The following SYN3 variants were observed in gnomAD, a reference collection of about 807,000 sequenced individuals.
SYN3 encodes the protein synapsin-3.
Under a neutral mutation model 65.8 loss-of-function variants are expected in SYN3, and 35 were observed. The ratio of observed to expected loss-of-function variants is 0.53; its 90% CI spans 0.41 to 0.70. SYN3 has a LOEUF of 0.70. SYN3 is among the 30% of genes least tolerant of loss of function. The probability of loss-of-function intolerance (pLI) is 0.00; values close to 1 mark genes in which losing one functional copy is unlikely to be tolerated. For synonymous variants in SYN3, 270 were observed against 292.9 expected (o/e 0.92, Z 0.80); for missense variants, 680 against 749.0 (o/e 0.91, Z 1.08).
intron 1 of SYN3, among the ~76,000 whole-genome samples, chr22:33,029,455 T>A (rs1383611773): frequency 1.3e-5 from 2 of 152,096 alleles, no homozygotes; most frequent in African/African-American, 2.4e-5. Context: ...AGCGCTGGGA[T>A]TACAGGTGTG....
chr22:33,031,639 T>C (rs577869384), intron 1 of SYN3, among the ~76,000 whole-genome samples: 192 of 152,152 alleles, frequency 1.3e-3, no homozygotes, highest in African/African-American at 4.5e-3. Flanking sequence ...CCTCTTCCCC[T>C]TCTCATTTTC....
chr22:33,018,318 G>T (rs1010091667), intron 1 of SYN3, among the ~76,000 whole-genome samples: 29 of 152,192 alleles, frequency 1.9e-4, no homozygotes, highest in African/African-American at 6.8e-4. Context: ...AAGACAAGGT[G>T]CGGATGAGAG....
intron 3 of SYN3, among the ~76,000 whole-genome samples, chr22:32,931,867 C>G (rs2050643486): frequency 6.6e-6 from 1 of 150,638 alleles, no homozygotes; most frequent in Admixed American, 6.6e-5. Context: ...CACCTTCATG[C>G]TCTACAGTAG....
intron 7 of SYN3, among the ~76,000 whole-genome samples, chr22:32,585,285 C>A (rs1293295858): frequency 6.6e-6 from 1 of 152,154 alleles, no homozygotes; most frequent in African/African-American, 2.4e-5. Context: ...CTGAAGGTCA[C>A]AATGCTGGCA....
rs907242665 is a variant in SYN3, at chr22:32,770,778, A to G, written c.711+94137T>C. Among the ~76,000 whole-genome samples, 3 of 151,856 alleles carry G rather than the reference A, an allele frequency of 2.0e-5. No individual in the cohort carries two copies. The East Asian group carries it at 5.8e-4, about 29-fold the overall frequency. Reference sequence around the variant, plus strand: ...TCCTCTGTAAGGTAACTATAGCAAGAGCACCCATTCTATAAGGATGCTGGG... The same window carrying G: ...TCCTCTGTAAGGTAACTATAGCAAGGGCACCCATTCTATAAGGATGCTGGG... On this transcript the variant is annotated intron_variant, in intron 6 of 13. Transcript: ENST00000358763.
chr22:32,699,686 T>C (rs751958604), intron 6 of SYN3, among the ~76,000 whole-genome samples: 4 of 152,154 alleles, frequency 2.6e-5, no homozygotes, highest in Non-Finnish European at 5.9e-5. Flanking sequence ...AGCTGTAAAA[T>C]TCTAAAAGCT....
intron 6 of SYN3, among the ~76,000 whole-genome samples, chr22:32,621,487 G>A (rs1020968383): frequency 2.0e-5 from 3 of 152,048 alleles, no homozygotes; most frequent in Non-Finnish European, 4.4e-5. Flanking sequence ...ATGGAGGGTG[G>A]GCAGGACAGC....
chr22:32,700,744 A>C (rs2147198639), intron 6 of SYN3, among the ~76,000 whole-genome samples: 1 of 152,318 alleles, frequency 6.6e-6, no homozygotes, highest in East Asian at 1.9e-4. Flanking sequence ...ATAGCTTTAA[A>C]CACCATGTAA....
intron 6 of SYN3, among the ~76,000 whole-genome samples, chr22:32,788,364 A>T (rs919551770): frequency 1.3e-5 from 2 of 151,974 alleles, no homozygotes; most frequent in Admixed American, 1.3e-4. Flanking sequence ...ACATGATGAA[A>T]CCCCATCTCT....
intron 1 of SYN3, among the ~76,000 whole-genome samples, chr22:33,016,243 T>C (rs1287416928): frequency 6.6e-6 from 1 of 152,248 alleles, no homozygotes; most frequent in Non-Finnish European, 1.5e-5. Context: ...TATTCAAGGT[T>C]CACTACAAAA....
At chr22:32,724,885 C>G (rs1029410157) in intron 6 of SYN3, among the ~76,000 whole-genome samples, 12 of 152,120 alleles carry the variant, frequency 7.9e-5, no homozygotes, top group African/African-American at 2.9e-4. Flanking sequence ...CTTTGGGAGG[C>G]TGAGGTGGGC....
intron 1 of SYN3, among the ~76,000 whole-genome samples, chr22:33,011,611 C>T (rs555214292): frequency 2.6e-5 from 4 of 152,124 alleles, no homozygotes; most frequent in East Asian, 1.9e-4. Context: ...GAAGCATTCC[C>T]TCCTTTTCTA....
intron 3 of SYN3, among the ~76,000 whole-genome samples, chr22:32,964,814 CAG>C (rs2051776660): frequency 6.6e-6 from 1 of 152,268 alleles, no homozygotes; most frequent in East Asian, 1.9e-4. Context: ...TGCCCCATGA[CAG>C]AACTTAGCTC....
intron 6 of SYN3, among the ~76,000 whole-genome samples, chr22:32,632,435 C>T (rs1023744507): frequency 5.1e-4 from 11 of 21,530 alleles, no homozygotes; most frequent in Non-Finnish European, 1.0e-3. Flanking sequence ...ACAAACAAGA[C>T]ATGTTTGTGA....
chr22:32,774,997 C>A (rs1193006287), intron 6 of SYN3, among the ~76,000 whole-genome samples: 2 of 152,218 alleles, frequency 1.3e-5, no homozygotes, highest in Non-Finnish European at 2.9e-5. Context: ...AGGCCCCCAG[C>A]TTCCTCCTCT....
At chr22:33,004,205 G>A (rs977084771) in intron 2 of SYN3, among the ~76,000 whole-genome samples, 5 of 152,238 alleles carry the variant, frequency 3.3e-5, no homozygotes, top group Non-Finnish European at 4.4e-5. Flanking sequence ...CCCCCACACA[G>A]AGTCCCCACT....
In SYN3 at chr22:32,792,906, T is replaced by C. The variant is rs372471839; in HGVS notation, c.711+72009A>G. Among the ~76,000 whole-genome samples, 24 of 152,326 alleles carry C rather than the reference T, an allele frequency of 1.6e-4. No individual in the cohort carries two copies. The East Asian group carries it at 2.9e-3, about 18-fold the overall frequency. On this transcript the variant is annotated intron_variant, in intron 6 of 13. Transcript: ENST00000358763. The stretch of plus-strand genomic sequence containing the variant: ...GAGTGCTGGTTTGGAAAGAGACCCC[T>C]GCATCTGAATCACAGCTCTGCCACT...
chr22:32,577,105 T>C (rs2058862285), intron 7 of SYN3, among the ~76,000 whole-genome samples: 2 of 152,130 alleles, frequency 1.3e-5, no homozygotes, highest in African/African-American at 4.8e-5. Context: ...TTAGAGTCCC[T>C]GGGATTAGGC....
chr22:32,991,825 G>C (rs1478474965), intron 2 of SYN3, among the ~76,000 whole-genome samples: 1 of 152,172 alleles, frequency 6.6e-6, no homozygotes, highest in Non-Finnish European at 1.5e-5. Flanking sequence ...CAGGAAAATG[G>C]AAATGAAGCA....
Sources: allele counts gnomAD v4.1 joint callset (sites outside exome capture counted in the v4.1 genomes callset), GRCh38; gene constraint gnomAD v4.1.1; transcripts MANE v1.5; gene names NCBI Gene and HGNC (gene_info 2026-07-23, HGNC 2026-07-21).